The following PRKAR1B variants were observed in gnomAD, a reference collection of about 807,000 sequenced individuals.
PRKAR1B encodes protein kinase cAMP-dependent type I regulatory subunit beta.
In PRKAR1B, 22 loss-of-function variants were observed where a neutral mutation model predicts 46.5. The observed-to-expected ratio is 0.47, with a 90% CI of 0.34 to 0.68. The LOEUF (loss-of-function observed/expected upper bound fraction) is 0.68, where lower values mean the gene tolerates loss of function less well. Ranked by LOEUF, PRKAR1B falls within the 30% of genes least tolerant of loss-of-function variation. The pLI, the probability that PRKAR1B is intolerant of heterozygous loss-of-function variation, is 0.01. For synonymous variants in PRKAR1B, 259 were observed against 217.7 expected (o/e 1.19, Z -1.67); for missense variants, 445 against 535.6 (o/e 0.83, Z 1.67).
intron 4 of PRKAR1B, among the ~76,000 whole-genome samples, chr7:655,202 C>T (rs1583364298): frequency 6.6e-6 from 1 of 152,302 alleles, no homozygotes; most frequent in East Asian, 1.9e-4. Flanking sequence ...TCTAGGGCCT[C>T]CCATCTCAGA....
At chr7:610,424 G>A (rs1019336933) in intron 4 of PRKAR1B, among the ~76,000 whole-genome samples, 1 of 152,162 alleles carries the variant, frequency 6.6e-6, no homozygotes, top group Admixed American at 6.5e-5. Flanking sequence ...GGGTTGCTCC[G>A]TTGGCCACAC....
intron 4 of PRKAR1B, among the ~76,000 whole-genome samples, chr7:658,256 A>G (rs1785315353): frequency 6.6e-6 from 1 of 152,116 alleles, no homozygotes; most frequent in South Asian, 2.1e-4. Flanking sequence ...CAACACAGCG[A>G]GACCCCCATC....
At chr7:659,098 G>A (rs1489222182) in intron 4 of PRKAR1B, among the ~76,000 whole-genome samples, 1 of 150,304 alleles carries the variant, frequency 6.7e-6, no homozygotes, top group African/African-American at 2.4e-5. Context: ...CACAAACCAT[G>A]AGGATGACAC....
chr7:597,719 A>T (rs1781345102), intron 6 of PRKAR1B, among the ~76,000 whole-genome samples: 1 of 152,212 alleles, frequency 6.6e-6, no homozygotes, highest in African/African-American at 2.4e-5. Context: ...ACTGGCGATG[A>T]AGCCGGGGGA....
intron 9 of PRKAR1B, among the ~76,000 whole-genome samples, chr7:566,239 T>A (rs796828043): frequency 6.8e-6 from 1 of 147,266 alleles, no homozygotes; most frequent in Non-Finnish European, 1.5e-5. Context: ...ATCATCACTA[T>A]CATCATCACC....
intron 2 of PRKAR1B, among the ~76,000 whole-genome samples, chr7:698,981 C>G (rs1039215198): frequency 6.6e-5 from 10 of 152,244 alleles, no homozygotes; most frequent in Non-Finnish European, 8.8e-5. Context: ...CTGCCACACA[C>G]AGGGGCACCA....
intron 4 of PRKAR1B, among the ~76,000 whole-genome samples, chr7:637,484 T>C (rs1348990846): frequency 6.6e-6 from 1 of 152,020 alleles, no homozygotes; most frequent in Non-Finnish European, 1.5e-5. Flanking sequence ...AAGGAAAAAA[T>C]AAAATGTTCA....
At chr7:627,907 G>T (rs1055657058) in intron 4 of PRKAR1B, among the ~76,000 whole-genome samples, 3 of 152,192 alleles carry the variant, frequency 2.0e-5, no homozygotes, top group East Asian at 3.9e-4. Context: ...CCGGGAAATG[G>T]GGCACACACA....
intron 1 of PRKAR1B, among the ~76,000 whole-genome samples, chr7:717,074 T>C (rs529834604): frequency 8.6e-4 from 131 of 152,270 alleles, no homozygotes; most frequent in African/African-American, 3.0e-3. Flanking sequence ...GCAGATCACC[T>C]GAGGCCAGGA....
At chr7:640,503 C>T (rs998815176) in intron 4 of PRKAR1B, among the ~76,000 whole-genome samples, 3 of 152,176 alleles carry the variant, frequency 2.0e-5, no homozygotes, top group Non-Finnish European at 4.4e-5. Flanking sequence ...TGGCTCACGC[C>T]TGTAATCCCA....
chr7:711,927 GA>G (rs1780657024), intron 1 of PRKAR1B, among the ~76,000 whole-genome samples: 1 of 152,026 alleles, frequency 6.6e-6, no homozygotes, highest in Non-Finnish European at 1.5e-5. Flanking sequence ...GCACTTATGT[GA>G]AATGTGAATG....
At chr7:619,094 A>G (rs1182874143) in intron 4 of PRKAR1B, among the ~76,000 whole-genome samples, 1 of 152,190 alleles carries the variant, frequency 6.6e-6, no homozygotes, top group Non-Finnish European at 1.5e-5. Flanking sequence ...GTTGGCCCTA[A>G]CTCAATATGA....
rs1237856170 is a variant in PRKAR1B at position 627,770 on chromosome 7, G to A, written c.441-20318C>T. Among the ~76,000 whole-genome samples the A allele has an allele frequency of 5.3e-5, 6 of 113,940 alleles. No individual in the cohort carries two copies. In the South Asian group the frequency reaches 1.8e-3, roughly 34 times the overall value. 74.7% of individuals were successfully genotyped at this position (113,940 alleles called of 152,430 possible). ...GCACTGGGGGAGGAGGTGAGCACCC[G>A]CCACTCAGGCTCAGGCAGCCTGGAA... is the stretch of plus-strand genomic sequence containing the variant. On this transcript the variant is annotated intron_variant, in intron 4 of 10. Coordinates refer to ENST00000537384, the MANE Select transcript of PRKAR1B (RefSeq NM_001164760.2).
intron 4 of PRKAR1B, among the ~76,000 whole-genome samples, chr7:642,248 G>C (rs1349952796): frequency 6.6e-6 from 1 of 152,166 alleles, no homozygotes; most frequent in Non-Finnish European, 1.5e-5. Context: ...ATGGTGGACG[G>C]GGGTGGAAGT....
intron 9 of PRKAR1B, among the ~76,000 whole-genome samples, chr7:552,735 T>C (rs1310904969): frequency 6.6e-6 from 1 of 152,160 alleles, no homozygotes; most frequent in African/African-American, 2.4e-5. Context: ...CGCTGGGACC[T>C]TCCCTGGGGG....
intron 4 of PRKAR1B, among the ~76,000 whole-genome samples, chr7:656,231 T>C (rs1460326415): frequency 6.6e-6 from 1 of 151,984 alleles, no homozygotes; most frequent in Non-Finnish European, 1.5e-5. Context: ...AGTGACTGAA[T>C]GGATGGATAA....
chr7:651,097 G>A (rs946630708), intron 4 of PRKAR1B, among the ~76,000 whole-genome samples: 40 of 152,200 alleles, frequency 2.6e-4, no homozygotes, highest in African/African-American at 9.2e-4. Context: ...CTTCAGGTCT[G>A]GAATTTGGGG....
At chr7:620,450 T>A (rs71518325) in intron 4 of PRKAR1B, among the ~76,000 whole-genome samples, 4 of 152,052 alleles carry the variant, frequency 2.6e-5, no homozygotes, top group African/African-American at 9.7e-5. Flanking sequence ...TTACTCCTCA[T>A]CTGTGTCTCT....
intron 2 of PRKAR1B, among the ~76,000 whole-genome samples, chr7:684,336 G>T (rs1051533941): frequency 2.0e-5 from 3 of 152,188 alleles, no homozygotes; most frequent in Admixed American, 2.0e-4. Flanking sequence ...ATATCTTGAC[G>T]GAGCTTCCCC....
Sources: allele counts gnomAD v4.1 joint callset (sites outside exome capture counted in the v4.1 genomes callset), GRCh38; gene constraint gnomAD v4.1.1; transcripts MANE v1.5; gene names NCBI Gene and HGNC (gene_info 2026-07-23, HGNC 2026-07-21).